The following TBC1D16 variants were observed in gnomAD, a reference collection of about 807,000 sequenced individuals.
TBC1D16 encodes CTD-2529O21.1.
A neutral mutation model predicts 74.7 loss-of-function variants in TBC1D16; 58 were observed. The observed-to-expected ratio is 0.78, with a 90% CI of 0.63 to 0.97. The LOEUF is 0.97. Among genes scored for constraint, TBC1D16 ranks in the 50% least tolerant of loss-of-function variants. The pLI is 0.00. For synonymous variants in TBC1D16, 493 were observed against 474.7 expected, an observed-to-expected ratio of 1.04 and a Z score of -0.50; for missense variants, 1,014 against 1,079.5, an observed-to-expected ratio of 0.94 and a Z score of 0.85.
chr17:79,964,518 T>C (rs973433803), intron 3 of TBC1D16, among the ~76,000 whole-genome samples: 5 of 152,034 alleles, frequency 3.3e-5, no homozygotes, highest in South Asian at 2.1e-4. Flanking sequence ...AGATAAGACA[T>C]TGGGGGGACA....
At chr17:79,970,868 C>A (rs368729747) in intron 3 of TBC1D16, among the ~76,000 whole-genome samples, 3 of 32,700 alleles carry the variant, frequency 9.2e-5, no homozygotes, top group Non-Finnish European at 1.7e-4. Context: ...ACCCTGGAAA[C>A]GGAGAGTCAG....
rs1282526896 is a variant in TBC1D16 at position 79,944,151 on chromosome 17, C to T, written c.1908+757G>A. On this transcript the variant is annotated intron_variant, in intron 10 of 11. Coordinates refer to ENST00000310924, the MANE Select transcript of TBC1D16 (RefSeq NM_019020.4). The surrounding 1 kb of genome is among the most constrained non-coding windows in gnomAD (Gnocchi z 7.7). ...CAGGAGACGCTGACGCAAATGTCTT[C>T]CAGCAGATGGGTGTTTGCCTCCATC... 6.5e-7 allele frequency: 1 copy of T among 1,535,794 alleles called. No homozygotes were observed. The highest frequency in any genetic ancestry group is 8.7e-7 in the Non-Finnish European group (1 of 1,146,686).
intron 1 of TBC1D16, among the ~76,000 whole-genome samples, chr17:80,021,676 A>T (rs1598437956): frequency 6.7e-6 from 1 of 149,038 alleles, no homozygotes; most frequent in Middle Eastern, 3.4e-3. Context: ...ATAGGCACAC[A>T]CCATAGGCAC....
rs956469302 is a variant in TBC1D16 at position 79,983,111 on chromosome 17, C to T, written c.779+27049G>A. 2.0e-5 allele frequency among the ~76,000 whole-genome samples: 3 copies of T among 152,232 alleles called. No homozygotes were observed. Among genetic ancestry groups the T allele is most frequent in the Non-Finnish European group, 4.4e-5 (3 of 68,042 alleles). ...GACAAGCGGGAAGCCGGGAACAGCT[C>T]CATGTCCATGGAAGGGGCATGGGCA... On this transcript the variant is annotated intron_variant, in intron 3 of 11. Transcript: ENST00000310924. This position sits in a 1 kb window ranked among gnomAD's most constrained non-coding sequence, Gnocchi z 5.6.
At chr17:80,025,153 CCAGG>C in intron 1 of TBC1D16, among the ~76,000 whole-genome samples, 1 of 144,848 alleles carries the variant, frequency 6.9e-6, no homozygotes, top group African/African-American at 2.7e-5. Flanking sequence ...CACAAACACA[CCAGG>C]ACACACACAC....
chr17:79,951,862 C>T (rs1412108663), intron 4 of TBC1D16: 1 of 373,498 alleles, frequency 2.7e-6, no homozygotes, highest in Non-Finnish European at 4.9e-6. Flanking sequence ...CTTCTCCCCA[C>T]CACCCCCTGC....
intron 7 of TBC1D16, among the ~76,000 whole-genome samples, chr17:79,949,476 C>G (rs554830488): frequency 2.0e-5 from 3 of 152,324 alleles, no homozygotes; most frequent in South Asian, 2.1e-4. Context: ...GTCTGTTGAA[C>G]GAGAATTCTA....
rs1470889596 is a variant in TBC1D16, at chr17:80,024,750, A to G, written c.-63+11045T>C. 4.8e-5 allele frequency among the ~76,000 whole-genome samples: 6 copies of G among 124,868 alleles called. 2 individuals carry two copies. Among genetic ancestry groups the G allele is most frequent in the African/African-American group, 1.9e-4 (6 of 31,694 alleles). The allele number at this position is 124,868 out of a possible 152,430, so 81.9% of individuals were successfully genotyped here. A position where few individuals can be genotyped will look rare whatever the true frequency, so the allele number is the denominator to read the frequency against. ...ACACATACACCAGACACCAAGACACACACACTACATACACACCATAGACAC... is the reference window on the plus strand; with the variant it reads ...ACACATACACCAGACACCAAGACACGCACACTACATACACACCATAGACAC... On this transcript the variant is annotated intron_variant, in intron 1 of 11. Transcript: ENST00000310924.
intron 1 of TBC1D16, among the ~76,000 whole-genome samples, chr17:80,019,471 G>A (rs2143060164): frequency 7.1e-6 from 1 of 141,254 alleles, no homozygotes; most frequent in Non-Finnish European, 1.5e-5. Flanking sequence ...TTGTTCTGGA[G>A]AGACTGGGCT....
At position 79,990,733 on chromosome 17, in the gene TBC1D16, A is replaced by G. The variant is rs948342173; in HGVS notation, c.779+19427T>C. 3.3e-5 allele frequency among the ~76,000 whole-genome samples: 5 copies of G among 152,148 alleles called. No homozygotes were observed. The highest frequency in any genetic ancestry group is 6.6e-5 in the Admixed American group (1 of 15,260). On this transcript the variant is annotated intron_variant, in intron 3 of 11. Coordinates refer to ENST00000310924, the MANE Select transcript of TBC1D16 (RefSeq NM_019020.4). This position sits in a 1 kb window ranked among gnomAD's most constrained non-coding sequence, Gnocchi z 4.8. Reference sequence around the variant, plus strand: ...CTTCCCAAACTGAAGCTTTGTCTCCATGAAACACCAGCTCCCCAACGTCCC... The same window carrying G: ...CTTCCCAAACTGAAGCTTTGTCTCCGTGAAACACCAGCTCCCCAACGTCCC...
rs191835182 is a variant in TBC1D16, at chr17:80,000,692, T to C, written c.779+9468A>G. ...AGTGATGATGACTGTCTATCTGCCCTGTACTGAGCCCTCTGTGCAGAGCTT... is the reference window on the plus strand; with the variant it reads ...AGTGATGATGACTGTCTATCTGCCCCGTACTGAGCCCTCTGTGCAGAGCTT... On this transcript the variant is annotated intron_variant, in intron 3 of 11. Transcript: ENST00000310924. The surrounding 1 kb of genome is among the most constrained non-coding windows in gnomAD (Gnocchi z 4.1). Among the ~76,000 whole-genome samples the C allele has an allele frequency of 2.4e-3, 369 of 152,360 alleles. No homozygotes were observed. Among genetic ancestry groups the C allele is most frequent in the Middle Eastern group, 0.01 (3 of 294 alleles).
intron 1 of TBC1D16, among the ~76,000 whole-genome samples, chr17:80,034,200 C>CTTTTTTTTTTTTTTTTTTTTTTTTTTT (rs35010521): frequency 8.3e-6 from 1 of 120,878 alleles, no homozygotes; most frequent in Non-Finnish European, 1.7e-5. Context: ...TTTTTTTTTC[C>CTTTTTTTTTTTTTTTTTTTTTTTTTTT]TTTTTTTTTT....
intron 10 of TBC1D16, chr17:79,943,796 C>A: frequency 2.4e-6 from 3 of 1,270,186 alleles, no homozygotes; most frequent in Non-Finnish European, 3.0e-6. Flanking sequence ...TGCCGGGCCA[C>A]GCGCTGAGTT....
At chr17:80,018,232 C>T (rs1462824194) in intron 1 of TBC1D16, among the ~76,000 whole-genome samples, 3 of 135,930 alleles carry the variant, frequency 2.2e-5, no homozygotes, top group African/African-American at 7.0e-5. Flanking sequence ...ATAATATATC[C>T]AAAATATTAT....
intron 3 of TBC1D16, among the ~76,000 whole-genome samples, chr17:79,966,037 A>C (rs1482319413): frequency 6.6e-6 from 1 of 152,246 alleles, no homozygotes; most frequent in African/African-American, 2.4e-5. Flanking sequence ...AGAAGCCTGA[A>C]GCCAAGGTGC....
chr17:79,952,882 C>G, intron 3 of TBC1D16, 64 bp from the exon 4 acceptor site: 1 of 1,539,960 alleles, frequency 6.5e-7, no homozygotes, highest in Non-Finnish European at 8.8e-7. Context: ...CAGAGGGGGA[C>G]GGGGGTCATG....
At chr17:79,947,586 G>C (rs752192405) in intron 9 of TBC1D16, 59 bp downstream of exon 9, 1 of 1,578,038 alleles carries the variant, frequency 6.3e-7, no homozygotes, top group African/African-American at 1.3e-5. Flanking sequence ...CGGCTACAAC[G>C]GGAGAGGCAA....
intron 10 of TBC1D16, among the ~76,000 whole-genome samples, chr17:79,942,716 C>A (rs113409160): frequency 2.0e-5 from 3 of 152,180 alleles, no homozygotes; most frequent in East Asian, 3.9e-4. Flanking sequence ...CCAGGCCACA[C>A]CCCCCAATCA....
chr17:79,949,632 G>T, intron 7 of TBC1D16, 85 bp downstream of exon 7: 2 of 1,492,574 alleles, frequency 1.3e-6, no homozygotes, highest in Non-Finnish European at 1.8e-6. Flanking sequence ...TATTATCAAT[G>T]CTGAATTGCA....
Sources: allele counts gnomAD v4.1 joint callset (sites outside exome capture counted in the v4.1 genomes callset), GRCh38; gene constraint gnomAD v4.1.1; non-coding constraint Gnocchi (gnomAD v3.1); transcripts MANE v1.5; gene names NCBI Gene and HGNC (gene_info 2026-07-23, HGNC 2026-07-21).